The following BCAS3 variants were observed in gnomAD, a reference collection of about 807,000 sequenced individuals.
BCAS3 encodes the protein BCAS4/BCAS3 fusion.
BCAS3 carries 53 observed loss-of-function variants against 116.1 expected under a neutral mutation model. The observed-to-expected ratio is 0.46, with a 90% confidence interval of 0.37 to 0.57. BCAS3 has a LOEUF of 0.57. BCAS3 is among the 20% of genes least tolerant of loss of function. The pLI is 0.00. For synonymous variants in BCAS3, 391 were observed against 408.2 expected, an observed-to-expected ratio of 0.96 and a Z score of 0.51; for missense variants, 917 against 1,165.4, an observed-to-expected ratio of 0.79 and a Z score of 3.10.
chr17:60,912,297 C>G (rs1266279277), intron 12 of BCAS3, among the ~76,000 whole-genome samples: 1 of 151,990 alleles, frequency 6.6e-6, no homozygotes, highest in Non-Finnish European at 1.5e-5. Flanking sequence ...ATTCAGAGCA[C>G]TATGCTTAGA....
Position 61,140,305 on chromosome 17 carries a change from T to A in BCAS3, c.2425+55741T>A, listed in dbSNP as rs2076850378. The stretch of plus-strand genomic sequence containing the variant: ...AATTTGGGAAAGTACGGAAGTTTGC[T>A]TTGAATATATAGCAAAGGATATGTG... On this transcript the variant is annotated intron_variant, in intron 22 of 23. Transcript: ENST00000407086. This position sits in a 1 kb window ranked among gnomAD's most constrained non-coding sequence, Gnocchi z 4.2. Among the ~76,000 whole-genome samples, 1 of 152,148 alleles carries A rather than the reference T, an allele frequency of 6.6e-6. No homozygotes were observed. Among genetic ancestry groups the A allele is most frequent in the Non-Finnish European group, 1.5e-5 (1 of 68,032 alleles).
Position 61,026,888 on chromosome 17 carries a change from T to G in BCAS3, c.1638-7778T>G. 6.2e-7 allele frequency: 1 copy of G among 1,601,340 alleles called. No homozygotes were observed. Among genetic ancestry groups the G allele is most frequent in the Non-Finnish European group, 8.5e-7 (1 of 1,173,138 alleles). The stretch of plus-strand genomic sequence containing the variant: ...AAGGCCTTATCTCTTTGGAGCGGGG[T>G]GTTTTTCCATAAAAGCCCCATGGTG... On this transcript the variant is annotated intron_variant, in intron 16 of 23. Transcript: ENST00000407086. This position sits in a 1 kb window ranked among gnomAD's most constrained non-coding sequence, Gnocchi z 5.0.
chr17:61,254,166 AAAGTT>A (rs2048584042), intron 22 of BCAS3, among the ~76,000 whole-genome samples: 1 of 152,138 alleles, frequency 6.6e-6, no homozygotes, highest in African/African-American at 2.4e-5. Flanking sequence ...ATCCCCTATA[AAAGTT>A]AAGTGGATGT....
intron 7 of BCAS3, among the ~76,000 whole-genome samples, chr17:60,848,763 A>G (rs1453504335): frequency 6.6e-6 from 1 of 150,594 alleles, no homozygotes; most frequent in Non-Finnish European, 1.5e-5. Context: ...CAGTGGCATG[A>G]TCATAGCTCA....
rs1468656508 is a variant in BCAS3, at chr17:60,814,300, T to C, written c.476+6224T>C. Among the ~76,000 whole-genome samples, 510 of 130,480 alleles carry C rather than the reference T, an allele frequency of 3.9e-3. 6 individuals carry two copies. Among genetic ancestry groups the C allele is most frequent in the African/African-American group, 0.019 (480 of 25,384 alleles). 85.6% of individuals were successfully genotyped at this position (130,480 alleles called of 152,430 possible). On this transcript the variant is annotated intron_variant, in intron 7 of 23. Coordinates refer to ENST00000407086, the MANE Select transcript of BCAS3 (RefSeq NM_017679.5). ...GTGTGTGTGTGTGTGTGTGTGTGTGTGTGTGTGCGCGCGTGCCCATTGCAA... is the reference window on the plus strand; with the variant it reads ...GTGTGTGTGTGTGTGTGTGTGTGTGCGTGTGTGCGCGCGTGCCCATTGCAA...
intron 14 of BCAS3, among the ~76,000 whole-genome samples, chr17:60,975,296 C>T (rs1568008614): frequency 6.6e-6 from 1 of 152,124 alleles, no homozygotes; most frequent in Non-Finnish European, 1.5e-5. Flanking sequence ...CCACCGCGCC[C>T]GGCCTCAAGC....
chr17:61,269,634 G>C (rs2050062534), intron 22 of BCAS3, among the ~76,000 whole-genome samples: 2 of 152,038 alleles, frequency 1.3e-5, no homozygotes, highest in South Asian at 4.1e-4. Flanking sequence ...TGTTTGTTTT[G>C]ATAGTGGCCA....
Position 61,098,649 on chromosome 17 carries a change from C to T in BCAS3, c.2425+14085C>T, listed in dbSNP as rs905155863. The stretch of plus-strand genomic sequence containing the variant: ...TTCGGTTAGCAGATTTTATGGCATC[C>T]ATGATCCATGGACAAGAGTGAGTAG... On this transcript the variant is annotated intron_variant, in intron 22 of 23. Transcript: ENST00000407086. The surrounding 1 kb of genome is among the most constrained non-coding windows in gnomAD (Gnocchi z 4.2). Among the ~76,000 whole-genome samples, 1 of 150,712 alleles carries T rather than the reference C, an allele frequency of 6.6e-6. No individual in the cohort carries two copies. The highest frequency in any genetic ancestry group is 1.5e-5 in the Non-Finnish European group (1 of 67,044).
chr17:60,910,590 T>C lies in BCAS3; in HGVS notation c.881T>C (p.Leu294Pro). The C allele has an allele frequency of 6.2e-7, 1 of 1,612,582 alleles. No individual in the cohort carries two copies. Among genetic ancestry groups the C allele is most frequent in the Non-Finnish European group, 8.5e-7 (1 of 1,179,346 alleles). The change falls in exon 12 of 24, where the codon CTG becomes CCG. Residue 294 changes from leucine to proline, a missense_variant. This residue lies in a region of BCAS3 where 807 missense variants were observed against 1,026.0 expected (regional missense o/e 0.79). Transcript: ENST00000407086. The part of the protein sequence containing the change: ...GKVVTQLTGT[L>P]PSGVTEDDVA... ...GTGGTGACTCAGCTGACAGGCACAC[T>C]GCCTTCAGGTGTGACAGAAGATGAT...
chr17:61,297,466 A>G (rs1279070237), intron 22 of BCAS3, among the ~76,000 whole-genome samples: 1 of 152,176 alleles, frequency 6.6e-6, no homozygotes, highest in Non-Finnish European at 1.5e-5. Context: ...TGGGCACGTG[A>G]AAACTCTCAG....
chr17:61,241,043 G>A lies in BCAS3; in HGVS notation c.2426-127284G>A, dbSNP rs1568646607. The stretch of plus-strand genomic sequence containing the variant: ...CCATGAGAAACCTTCTAGAGCTTCC[G>A]CCCCCTCAGTTCTCACTCTCCATCA... On this transcript the variant is annotated intron_variant, in intron 22 of 23. Coordinates refer to ENST00000407086, the MANE Select transcript of BCAS3 (RefSeq NM_017679.5). The surrounding 1 kb of genome is among the most constrained non-coding windows in gnomAD (Gnocchi z 4.6). Among the ~76,000 whole-genome samples the A allele has an allele frequency of 1.3e-5, 2 of 152,216 alleles. No individual in the cohort carries two copies. The highest frequency in any genetic ancestry group is 3.4e-3 in the Middle Eastern group (1 of 294).
intron 7 of BCAS3, among the ~76,000 whole-genome samples, chr17:60,857,244 T>C (rs1237940959): frequency 2.0e-5 from 3 of 152,208 alleles, no homozygotes; most frequent in South Asian, 2.1e-4. Context: ...AAGAAGCATT[T>C]ATTAATAAAA....
rs2051301865 is a variant in BCAS3, at chr17:61,282,223, T to G, written c.2426-86104T>G. 6.6e-6 allele frequency among the ~76,000 whole-genome samples: 1 copy of G among 152,240 alleles called. No individual in the cohort carries two copies. Among genetic ancestry groups the G allele is most frequent in the Admixed American group, 6.5e-5 (1 of 15,282 alleles). On this transcript the variant is annotated intron_variant, in intron 22 of 23. Coordinates refer to ENST00000407086, the MANE Select transcript of BCAS3 (RefSeq NM_017679.5). This position sits in a 1 kb window ranked among gnomAD's most constrained non-coding sequence, Gnocchi z 5.9. ...ATTTTTCTCCCTAATTGGTCTCAGG[T>G]TTGAAATAAAATTTGTCTCTAGGAA...
chr17:60,830,353 A>T (rs2144720580), intron 7 of BCAS3, among the ~76,000 whole-genome samples: 1 of 152,328 alleles, frequency 6.6e-6, no homozygotes, highest in East Asian at 1.9e-4. Flanking sequence ...ACAGTATAAA[A>T]CGTGATGGTT....
intron 5 of BCAS3, among the ~76,000 whole-genome samples, chr17:60,727,853 G>C (rs1487658929): frequency 6.8e-6 from 1 of 147,976 alleles, no homozygotes; most frequent in African/African-American, 2.5e-5. Flanking sequence ...TGTTGGCCAT[G>C]CTGGAGTACA....
At chr17:61,373,081 G>A (rs1411585486) in intron 23 of BCAS3, among the ~76,000 whole-genome samples, 4 of 137,312 alleles carry the variant, frequency 2.9e-5, no homozygotes, top group African/African-American at 8.0e-5. Context: ...AGATCCGTGT[G>A]TAAAGTATTC....
intron 22 of BCAS3, among the ~76,000 whole-genome samples, chr17:61,336,839 G>A (rs534777313): frequency 1.3e-5 from 2 of 152,230 alleles, no homozygotes; most frequent in East Asian, 1.9e-4. Context: ...CTGGCCAGGC[G>A]TGGTGGCTCA....
In BCAS3 at chr17:61,095,113, A is replaced by C. The variant is rs1261675079; in HGVS notation, c.2425+10549A>C. Among the ~76,000 whole-genome samples the C allele has an allele frequency of 6.6e-6, 1 of 152,200 alleles. No individual in the cohort carries two copies. The highest frequency in any genetic ancestry group is 1.5e-5 in the Non-Finnish European group (1 of 68,030). The stretch of plus-strand genomic sequence containing the variant: ...TTGTTAAGGATCATATCAAGGAAGA[A>C]TATCCCCAGAACCTGAAAATGCTAT... On this transcript the variant is annotated intron_variant, in intron 22 of 23. Transcript: ENST00000407086. This position sits in a 1 kb window ranked among gnomAD's most constrained non-coding sequence, Gnocchi z 4.7.
intron 22 of BCAS3, among the ~76,000 whole-genome samples, chr17:61,306,023 C>T (rs1441015181): frequency 1.3e-5 from 2 of 152,148 alleles, no homozygotes; most frequent in Non-Finnish European, 2.9e-5. Context: ...GAATTTGGCC[C>T]CAAGTCTACC....
Sources: allele counts gnomAD v4.1 joint callset (sites outside exome capture counted in the v4.1 genomes callset), GRCh38; gene constraint gnomAD v4.1.1; regional missense constraint gnomAD v4.1.1; non-coding constraint Gnocchi (gnomAD v3.1); transcripts MANE v1.5; gene names NCBI Gene and HGNC (gene_info 2026-07-23, HGNC 2026-07-21).